Variants in CPQ observed in about 807,000 individuals in gnomAD.
CPQ encodes carboxypeptidase Q.
CPQ carries 37 observed loss-of-function variants against 45.7 expected under a neutral mutation model. That is an observed-to-expected ratio of 0.81 (90% CI 0.62 to 1.07). CPQ has a LOEUF of 1.07. Among genes scored for constraint, CPQ ranks in the 50% least tolerant of loss-of-function variants. CPQ has a pLI of 0.00. For synonymous variants in CPQ, 186 were observed against 205.8 expected, an observed-to-expected ratio of 0.90 and a Z score of 0.82; for missense variants, 537 against 572.9, an observed-to-expected ratio of 0.94 and a Z score of 0.64.
At chr8:97,114,856 C>A (rs1811557006) in intron 7 of CPQ, among the ~76,000 whole-genome samples, 1 of 152,190 alleles carries the variant, frequency 6.6e-6, no homozygotes, top group Admixed American at 6.5e-5. Flanking sequence ...CTCTCTCTGG[C>A]TGGACTCTTC....
chr8:96,884,862 A>G (rs531728031), intron 4 of CPQ, among the ~76,000 whole-genome samples: 3 of 152,340 alleles, frequency 2.0e-5, no homozygotes, highest in South Asian at 4.1e-4. Flanking sequence ...ACTTTGCTCC[A>G]TAGCATACTA....
At chr8:96,809,196 T>A (rs1464246916) in intron 2 of CPQ, among the ~76,000 whole-genome samples, 1 of 151,950 alleles carries the variant, frequency 6.6e-6, no homozygotes, top group Admixed American at 6.6e-5. Context: ...ATAATATACA[T>A]ATATTACACA....
chr8:96,845,691 T>G (rs1357128945), intron 3 of CPQ, among the ~76,000 whole-genome samples: 2 of 152,196 alleles, frequency 1.3e-5, no homozygotes, highest in Admixed American at 1.3e-4. Context: ...TGGAAAAATA[T>G]AAATCTATAG....
intron 4 of CPQ, among the ~76,000 whole-genome samples, chr8:96,935,744 T>C (rs1813038684): frequency 1.3e-5 from 2 of 152,162 alleles, no homozygotes; most frequent in South Asian, 4.1e-4. Context: ...TTCAGGGTTT[T>C]TTAGGCTCCC....
chr8:96,744,305 G>A (rs944324871), intron 1 of CPQ, among the ~76,000 whole-genome samples: 11 of 152,220 alleles, frequency 7.2e-5, no homozygotes, highest in African/African-American at 1.4e-4. Context: ...TGTGCTTCCC[G>A]AGTGAGGCAA....
At chr8:97,095,269 T>C (rs1421334015) in intron 7 of CPQ, among the ~76,000 whole-genome samples, 4 of 152,168 alleles carry the variant, frequency 2.6e-5, no homozygotes, top group Non-Finnish European at 5.9e-5. Context: ...CAAACTTCTA[T>C]CTCACCCTTA....
chr8:96,851,386 A>C (rs1272908750), intron 3 of CPQ, among the ~76,000 whole-genome samples: 1 of 152,192 alleles, frequency 6.6e-6, no homozygotes, highest in Non-Finnish European at 1.5e-5. Context: ...TAGACTGGGT[A>C]ATTTATAAAG....
intron 4 of CPQ, among the ~76,000 whole-genome samples, chr8:96,918,466 C>T (rs1227212093): frequency 6.6e-6 from 1 of 152,014 alleles, no homozygotes; most frequent in Non-Finnish European, 1.5e-5. Flanking sequence ...ACCCATTTCT[C>T]ACCCTATAAG....
chr8:96,940,199 C>G (rs994587574), intron 4 of CPQ, among the ~76,000 whole-genome samples: 24 of 152,004 alleles, frequency 1.6e-4, no homozygotes, highest in Admixed American at 7.9e-4. Context: ...TACATTAAAA[C>G]AAATCTGCCA....
intron 4 of CPQ, among the ~76,000 whole-genome samples, chr8:96,920,921 G>T (rs1424418193): frequency 6.6e-6 from 1 of 152,174 alleles, no homozygotes; most frequent in African/African-American, 2.4e-5. Context: ...CTGTCTGTGG[G>T]ATTTTGTTAC....
At chr8:97,115,268 G>A (rs1037682772) in intron 7 of CPQ, among the ~76,000 whole-genome samples, 1 of 152,158 alleles carries the variant, frequency 6.6e-6, no homozygotes, top group African/African-American at 2.4e-5. Context: ...GATAATTACT[G>A]TTACCTGCAC....
intron 4 of CPQ, among the ~76,000 whole-genome samples, chr8:96,928,236 T>TC (rs1812919374): frequency 6.6e-6 from 1 of 152,012 alleles, no homozygotes; most frequent in Non-Finnish European, 1.5e-5. Flanking sequence ...CTAATAACCT[T>TC]CCTCCTTTGT....
chr8:96,814,769 C>T (rs911589922), intron 2 of CPQ, among the ~76,000 whole-genome samples: 1 of 152,072 alleles, frequency 6.6e-6, no homozygotes, highest in African/African-American at 2.4e-5. Flanking sequence ...AGTCCTCAAG[C>T]AACTGATGCA....
intron 5 of CPQ, among the ~76,000 whole-genome samples, chr8:97,013,467 G>A (rs977387772): frequency 2.0e-5 from 3 of 152,140 alleles, no homozygotes; most frequent in African/African-American, 4.8e-5. Context: ...ACCAGGGGCT[G>A]TGTGTGAAAA....
intron 1 of CPQ, among the ~76,000 whole-genome samples, chr8:96,762,547 A>G (rs912080941): frequency 1.4e-4 from 21 of 152,312 alleles, no homozygotes; most frequent in Admixed American, 2.6e-4. Context: ...GGGGTGGCAC[A>G]TTCTGTAGAG....
rs899886644 is a variant in CPQ at position 97,043,244 on chromosome 8, C to A, written c.1053+13750C>A. On this transcript the variant is annotated intron_variant, in intron 6 of 7. Coordinates refer to ENST00000220763, the MANE Select transcript of CPQ (RefSeq NM_016134.4). ...TGATCCCTTTACCATTATGTAATGG[C>A]CTTCTTTGTCTCTTTTGATCTTTGT... Among the ~76,000 whole-genome samples, 21 of 152,052 alleles carry A rather than the reference C, an allele frequency of 1.4e-4. No individual in the cohort carries two copies. In the South Asian group the frequency reaches 4.0e-3, roughly 29 times the overall value.
chr8:97,007,038 A>G (rs1444960355), intron 5 of CPQ, among the ~76,000 whole-genome samples: 1 of 152,254 alleles, frequency 6.6e-6, no homozygotes, highest in African/African-American at 2.4e-5. Context: ...ACCAGAGGAA[A>G]GCATATTCAG....
At chr8:96,991,145 A>G (rs1809086091) in intron 5 of CPQ, among the ~76,000 whole-genome samples, 1 of 152,214 alleles carries the variant, frequency 6.6e-6, no homozygotes, top group South Asian at 2.1e-4. Flanking sequence ...GACTAGAAGT[A>G]TAAAGACCCA....
chr8:96,918,965 C>A (rs886666486), intron 4 of CPQ, among the ~76,000 whole-genome samples: 3 of 152,120 alleles, frequency 2.0e-5, no homozygotes. Context: ...CCTGCACCTT[C>A]CTAAGGTTCT....
Sources: gnomAD v4.1 joint callset for allele counts (sites outside exome capture counted in the v4.1 genomes callset) on GRCh38, gnomAD v4.1.1 for gene constraint, MANE v1.5 for transcripts, NCBI Gene and HGNC (gene_info 2026-07-23, HGNC 2026-07-21) for gene names.